The following ZNF827 variants were observed in gnomAD, a reference collection of about 807,000 sequenced individuals.
The protein encoded by ZNF827 is zinc finger protein 827.
Under a neutral mutation model 102.4 loss-of-function variants are expected in ZNF827, and 13 were observed. The ratio of observed to expected loss-of-function variants is 0.13; its 90% CI spans 0.08 to 0.20. The LOEUF (loss-of-function observed/expected upper bound fraction) is 0.20, where lower values mean the gene tolerates loss of function less well. Ranked by LOEUF, ZNF827 falls within the 10% of genes least tolerant of loss-of-function variation. The pLI, the probability that ZNF827 is intolerant of heterozygous loss-of-function variation, is 1.00. For missense variants in ZNF827, 1,103 were observed against 1,344.4 expected (o/e 0.82, Z 2.81); for synonymous variants, 523 against 536.2 (o/e 0.98, Z 0.34).
At chr4:145,866,406 T>A (rs1748200993) in intron 5 of ZNF827, among the ~76,000 whole-genome samples, 1 of 152,192 alleles carries the variant, frequency 6.6e-6, no homozygotes, top group South Asian at 2.1e-4. Context: ...CCTAAGCCCA[T>A]CACTATGTTA....
chr4:145,870,643 C>T (rs74556803), intron 4 of ZNF827, 165 bp from the exon 5 acceptor site: 7 of 605,550 alleles, frequency 1.2e-5, no homozygotes, highest in Non-Finnish European at 1.7e-5. Context: ...CCACACAATA[C>T]ACTCCATGGG....
intron 5 of ZNF827, among the ~76,000 whole-genome samples, chr4:145,858,547 T>C (rs2126702921): frequency 1.4e-5 from 2 of 147,526 alleles, no homozygotes; most frequent in Middle Eastern, 7.0e-3. Context: ...GAGGCTGAGG[T>C]GGGAGGATAG....
At chr4:145,785,578 G>A (rs1238760021) in intron 8 of ZNF827, among the ~76,000 whole-genome samples, 1 of 152,086 alleles carries the variant, frequency 6.6e-6, no homozygotes, top group Admixed American at 6.5e-5. Context: ...AGTTTCCACA[G>A]TAACTAAGTC....
At chr4:145,872,631 C>T (rs976855579) in intron 4 of ZNF827, among the ~76,000 whole-genome samples, 12 of 152,094 alleles carry the variant, frequency 7.9e-5, no homozygotes, top group African/African-American at 2.9e-4. Flanking sequence ...AATCCCAGCA[C>T]TTTGGGAGGC....
chr4:145,840,634 T>C (rs1745319859), intron 7 of ZNF827, among the ~76,000 whole-genome samples: 1 of 152,248 alleles, frequency 6.6e-6, no homozygotes, highest in African/African-American at 2.4e-5. Flanking sequence ...CTTAATTGCT[T>C]CTGTCTAATT....
intron 1 of ZNF827, among the ~76,000 whole-genome samples, chr4:145,930,303 GTC>G (rs1753708278): frequency 6.6e-6 from 1 of 152,092 alleles, no homozygotes; most frequent in Admixed American, 6.5e-5. Flanking sequence ...GCCTTCTTCA[GTC>G]TCCTTTGAAG....
At chr4:145,903,569 G>A (rs1751597602) in intron 1 of ZNF827, among the ~76,000 whole-genome samples, 1 of 152,182 alleles carries the variant, frequency 6.6e-6, no homozygotes, top group Admixed American at 6.5e-5. Flanking sequence ...AACCAGCACA[G>A]TATGTTTAGC....
chr4:145,826,375 A>T (rs2126513234), intron 7 of ZNF827, among the ~76,000 whole-genome samples: 1 of 152,374 alleles, frequency 6.6e-6, no homozygotes, highest in Admixed American at 6.5e-5. Flanking sequence ...AACGCTAAGT[A>T]TCTGGCACTG....
At chr4:145,869,922 A>G (rs947923642) in intron 5 of ZNF827, among the ~76,000 whole-genome samples, 2 of 152,252 alleles carry the variant, frequency 1.3e-5, no homozygotes, top group African/African-American at 4.8e-5. Flanking sequence ...ATTTTGATCA[A>G]TTAGCAGAAG....
intron 1 of ZNF827, among the ~76,000 whole-genome samples, chr4:145,935,747 G>A (rs1329670067): frequency 6.6e-6 from 1 of 152,036 alleles, no homozygotes; most frequent in Non-Finnish European, 1.5e-5. Flanking sequence ...TCATCACCAG[G>A]CACCGACGCG....
At chr4:145,881,992 G>T (rs1345156778) in intron 4 of ZNF827, among the ~76,000 whole-genome samples, 1 of 152,126 alleles carries the variant, frequency 6.6e-6, no homozygotes. Flanking sequence ...AATGTCCAGG[G>T]CCTATCCCAG....
chr4:145,793,031 A>T (rs1354441383), intron 8 of ZNF827, among the ~76,000 whole-genome samples: 1 of 151,636 alleles, frequency 6.6e-6, no homozygotes, highest in East Asian at 1.9e-4. Flanking sequence ...GTCTCTTCCT[A>T]CCCTCTCTCA....
At position 145,823,465 on chromosome 4, in the gene ZNF827, C is replaced by T. The variant is rs151056911; in HGVS notation, c.2340G>A (p.Leu780=). ...CGTGCAGCACGGAGTCACTGGGCAG[C>T]AGTTCTTTTGAATTGGAGGTGAATG... The part of the protein sequence containing the change: ...QSPFTSNSKE[L]LPSDSVLHGR... The change falls in exon 8 of 15, where the codon CTG becomes CTA. Residue 780 remains leucine (L), a synonymous_variant. Transcript: ENST00000508784. The T allele has an allele frequency of 1.1e-5, 17 of 1,607,386 alleles. No homozygotes were observed. The highest frequency in any genetic ancestry group is 1.4e-5 in the African/African-American group (1 of 73,172).
intron 7 of ZNF827, among the ~76,000 whole-genome samples, chr4:145,826,282 G>C (rs1743671208): frequency 6.6e-6 from 1 of 152,226 alleles, no homozygotes; most frequent in Non-Finnish European, 1.5e-5. Flanking sequence ...CCATCTTTTA[G>C]AGGGGTGCTG....
At chr4:145,794,725 T>C (rs1296563962) in intron 8 of ZNF827, among the ~76,000 whole-genome samples, 2 of 151,918 alleles carry the variant, frequency 1.3e-5, no homozygotes, top group Admixed American at 6.6e-5. Flanking sequence ...AGCACATACA[T>C]ACCCAACACC....
intron 1 of ZNF827, among the ~76,000 whole-genome samples, chr4:145,909,990 GC>G (rs1291183677): frequency 6.6e-6 from 1 of 152,150 alleles, no homozygotes; most frequent in African/African-American, 2.4e-5. Flanking sequence ...CTGTCAGCGT[GC>G]CCAGGAAGAA....
intron 7 of ZNF827, among the ~76,000 whole-genome samples, chr4:145,829,910 T>A (rs544925818): frequency 6.6e-6 from 1 of 152,216 alleles, no homozygotes; most frequent in Non-Finnish European, 1.5e-5. Flanking sequence ...GACCTTTGAA[T>A]CACTTAGACC....
chr4:145,904,729 T>C (rs112317699), intron 1 of ZNF827, among the ~76,000 whole-genome samples: 5,378 of 152,202 alleles, frequency 0.035, 111 homozygotes, highest in Middle Eastern at 0.065. Context: ...TGTGTGTGTG[T>C]GCGCGTGTGT....
rs551219561 is a variant in ZNF827, at chr4:145,765,797, C to T, written c.2861-59G>A. 1.1e-3 allele frequency: 1,721 copies of T among 1,536,614 alleles called. 37 individuals carry two copies. In the South Asian group the frequency reaches 0.02, roughly 18 times the overall value. ...GAGATGAAAATCCTCAGAATTATAG[C>T]AACTGAGGGTGACGAGTTGAGTCTC... On this transcript the variant is annotated intron_variant, in intron 11 of 14. Transcript: ENST00000508784. This position sits in a 1 kb window ranked among gnomAD's most constrained non-coding sequence, Gnocchi z 4.7.
Sources: gnomAD v4.1 joint callset for allele counts (sites outside exome capture counted in the v4.1 genomes callset) on GRCh38, gnomAD v4.1.1 for gene constraint, Gnocchi (gnomAD v3.1) non-coding constraint, MANE v1.5 for transcripts, NCBI Gene and HGNC (gene_info 2026-07-23, HGNC 2026-07-21) for gene names.